Variants in NRXN3 observed in about 807,000 individuals in gnomAD.
NRXN3 encodes the protein neurexin 3, also known as neurexin III.
NRXN3 carries 32 observed loss-of-function variants against 137.6 expected under a neutral mutation model. The observed-to-expected ratio is 0.23, with a 90% confidence interval of 0.18 to 0.31. The LOEUF (loss-of-function observed/expected upper bound fraction) is 0.31, where lower values mean the gene tolerates loss of function less well. Ranked by LOEUF, NRXN3 falls within the 10% of genes least tolerant of loss-of-function variation. The pLI is 1.00. For missense variants in NRXN3, 1,574 were observed against 2,062.5 expected (o/e 0.76, Z 4.59); for synonymous variants, 798 against 784.5 (o/e 1.02, Z -0.29).
intron 15 of NRXN3, among the ~76,000 whole-genome samples, chr14:79,287,785 A>C (rs2082524771): frequency 6.6e-6 from 1 of 152,164 alleles, no homozygotes; most frequent in Non-Finnish European, 1.5e-5. Context: ...TTATATTTTT[A>C]AATTATATTC....
At chr14:78,966,533 C>G in intron 12 of NRXN3, 127 bp downstream of exon 12, 3 of 983,004 alleles carry the variant, frequency 3.1e-6, no homozygotes, top group Non-Finnish European at 4.5e-6. Flanking sequence ...ATTCTCGCAT[C>G]TTCCTTGATT....
chr14:79,262,186 G>T (rs947580364), intron 15 of NRXN3, among the ~76,000 whole-genome samples: 3 of 152,046 alleles, frequency 2.0e-5, no homozygotes, highest in African/African-American at 7.2e-5. Flanking sequence ...GGCCCCTCCT[G>T]CCCACAACTT....
At chr14:78,568,433 T>G (rs919501268) in intron 4 of NRXN3, among the ~76,000 whole-genome samples, 2 of 152,212 alleles carry the variant, frequency 1.3e-5, no homozygotes, top group African/African-American at 2.4e-5. Flanking sequence ...CAGATACAAA[T>G]TTTTGTTGTT....
At chr14:78,455,557 C>T (rs568688752) in intron 4 of NRXN3, among the ~76,000 whole-genome samples, 3 of 152,308 alleles carry the variant, frequency 2.0e-5, no homozygotes, top group South Asian at 2.1e-4. Flanking sequence ...TGTTCCACTC[C>T]GAGTTCTTAA....
At chr14:78,544,505 G>T (rs899505236) in intron 4 of NRXN3, among the ~76,000 whole-genome samples, 1 of 152,122 alleles carries the variant, frequency 6.6e-6, no homozygotes, top group African/African-American at 2.4e-5. Flanking sequence ...TTATAATCGG[G>T]AAAAGTCCAT....
intron 6 of NRXN3, among the ~76,000 whole-genome samples, chr14:78,688,969 T>C (rs1242469867): frequency 1.3e-5 from 2 of 152,118 alleles, no homozygotes; most frequent in Non-Finnish European, 2.9e-5. Context: ...TCACTTTCTA[T>C]GTTCCTGGAA....
intron 19 of NRXN3, among the ~76,000 whole-genome samples, chr14:79,704,845 A>G (rs1269324955): frequency 6.6e-6 from 1 of 152,184 alleles, no homozygotes. Flanking sequence ...CTGGAACTGC[A>G]CAGTTCTAAC....
chr14:78,771,759 C>T (rs994057248), intron 8 of NRXN3, among the ~76,000 whole-genome samples: 4 of 152,198 alleles, frequency 2.6e-5, no homozygotes, highest in African/African-American at 9.7e-5. Context: ...AACACCCACT[C>T]ATTCTTACCA....
chr14:79,712,585 C>G (rs1215415058), intron 19 of NRXN3, among the ~76,000 whole-genome samples: 4 of 152,274 alleles, frequency 2.6e-5, no homozygotes, highest in Non-Finnish European at 5.9e-5. Context: ...ACTGTTATGA[C>G]AATTTCTGTT....
intron 4 of NRXN3, among the ~76,000 whole-genome samples, chr14:78,583,232 C>A (rs1263196852): frequency 6.6e-6 from 1 of 152,074 alleles, no homozygotes; most frequent in Non-Finnish European, 1.5e-5. Flanking sequence ...AGAAGTAAGA[C>A]TTTTTCTTCC....
In NRXN3 at chr14:79,160,297, T is replaced by C. The variant is rs117885482; in HGVS notation, c.3262+172156T>C. On this transcript the variant is annotated intron_variant, in intron 15 of 20. Transcript: ENST00000335750. ...TCTGTGTGTTAAATTGTCATTGCCATAATGATTTTAGTCCTTTCTCTGACC... is the reference window on the plus strand; with the variant it reads ...TCTGTGTGTTAAATTGTCATTGCCACAATGATTTTAGTCCTTTCTCTGACC... Among the ~76,000 whole-genome samples, 76 of 152,112 alleles carry C rather than the reference T, an allele frequency of 5.0e-4. No homozygotes were observed. The East Asian group carries it at 0.012, about 24-fold the overall frequency.
intron 1 of NRXN3, among the ~76,000 whole-genome samples, chr14:78,181,373 C>T (rs186085222): frequency 6.0e-5 from 9 of 150,944 alleles, no homozygotes; most frequent in Admixed American, 1.3e-4. Context: ...CCCCGGGTCT[C>T]CTTTGTTCCA....
chr14:78,409,477 T>A (rs2092697639), intron 4 of NRXN3, among the ~76,000 whole-genome samples: 1 of 152,226 alleles, frequency 6.6e-6, no homozygotes, highest in Non-Finnish European at 1.5e-5. Flanking sequence ...ATCATCTCCA[T>A]AACTGCCCCT....
chr14:78,938,285 G>A (rs1004538902), intron 10 of NRXN3, among the ~76,000 whole-genome samples: 1 of 152,220 alleles, frequency 6.6e-6, no homozygotes, highest in Non-Finnish European at 1.5e-5. Flanking sequence ...GAAATTTGAA[G>A]CCATGTCTGG....
intron 15 of NRXN3, among the ~76,000 whole-genome samples, chr14:79,306,719 G>T (rs1347776599): frequency 3.9e-5 from 6 of 152,024 alleles, no homozygotes; most frequent in Non-Finnish European, 7.4e-5. Context: ...CATCATTTGA[G>T]ATAAGCCCCA....
chr14:79,535,308 G>A (rs1166353875), intron 16 of NRXN3, among the ~76,000 whole-genome samples: 1 of 152,142 alleles, frequency 6.6e-6, no homozygotes, highest in East Asian at 1.9e-4. Context: ...AGTTCATTAT[G>A]CTCGCTGACT....
chr14:79,128,893 G>T lies in NRXN3; in HGVS notation c.3262+140752G>T, dbSNP rs1477190127. Among the ~76,000 whole-genome samples, 8 of 151,428 alleles carry T rather than the reference G, an allele frequency of 5.3e-5. No homozygotes were observed. In the East Asian group the frequency reaches 1.6e-3, roughly 30 times the overall value. On this transcript the variant is annotated intron_variant, in intron 15 of 20. Coordinates refer to ENST00000335750, the MANE Select transcript of NRXN3 (RefSeq NM_001330195.2). ...CTATTCAGAGATTCAACTTCTTCCT[G>T]GTTTAGTCTTGGGAGAGTGTATGTG...
At chr14:79,604,237 CTTTG>C (rs1025497701) in intron 16 of NRXN3, among the ~76,000 whole-genome samples, 8 of 150,538 alleles carry the variant, frequency 5.3e-5, no homozygotes, top group Non-Finnish European at 7.4e-5. Flanking sequence ...TTTTTTGTTT[CTTTG>C]TTTGTTTGTT....
chr14:78,902,669 A>G (rs1464794962), intron 10 of NRXN3, among the ~76,000 whole-genome samples: 1 of 151,980 alleles, frequency 6.6e-6, no homozygotes, highest in Non-Finnish European at 1.5e-5. Flanking sequence ...TGACTATAGG[A>G]TGAAATTTAA....
Sources: gnomAD v4.1 joint callset for allele counts (sites outside exome capture counted in the v4.1 genomes callset) on GRCh38, gnomAD v4.1.1 for gene constraint, MANE v1.5 for transcripts, NCBI Gene and HGNC (gene_info 2026-07-23, HGNC 2026-07-21) for gene names.